The following CNDP1 variants were observed in gnomAD, a reference collection of about 807,000 sequenced individuals.
CNDP1 encodes carnosine dipeptidase 1.
In CNDP1, 44 loss-of-function variants were observed where a neutral mutation model predicts 58.1. The observed-to-expected ratio is 0.76, with a 90% CI of 0.60 to 0.97. CNDP1 has a LOEUF of 0.97. Among genes scored for constraint, CNDP1 ranks in the 50% least tolerant of loss-of-function variants. CNDP1 has a pLI of 0.00. For synonymous variants in CNDP1, 254 were observed against 252.6 expected, an observed-to-expected ratio of 1.01 and a Z score of -0.05; for missense variants, 616 against 655.1, an observed-to-expected ratio of 0.94 and a Z score of 0.65.
chr18:74,540,959 T>G (rs1425692363), intron 1 of CNDP1, among the ~76,000 whole-genome samples: 2 of 152,194 alleles, frequency 1.3e-5, no homozygotes, highest in East Asian at 1.9e-4. Context: ...TCTAATGAAG[T>G]GATGCCGATT....
chr18:74,578,468 A>G (rs917202398), intron 9 of CNDP1, 141 bp downstream of exon 9: 11 of 844,508 alleles, frequency 1.3e-5, no homozygotes, highest in African/African-American at 3.4e-5. Flanking sequence ...ACAAATGTCA[A>G]GAAACCAATA....
rs1981711572 is a variant in CNDP1 at position 74,579,169 on chromosome 18, CCCTT to C, written c.1167+844_1167+847del. Among the ~76,000 whole-genome samples the C allele has an allele frequency of 2.0e-5, 3 of 146,496 alleles. No homozygotes were observed. The Admixed American group carries it at 2.1e-4, about 10-fold the overall frequency. ...CTCCTGCCCTCTCTCCTCCCTCTCTCCCTTCTCCCTTCTCCCTTTCCTTCCCTTC... is the reference window on the plus strand; with the variant it reads ...CTCCTGCCCTCTCTCCTCCCTCTCTCCTCCCTTCTCCCTTTCCTTCCCTTC... On this transcript the variant is annotated intron_variant, in intron 9 of 11. Coordinates refer to ENST00000358821, the MANE Select transcript of CNDP1 (RefSeq NM_032649.6).
intron 1 of CNDP1, among the ~76,000 whole-genome samples, chr18:74,546,852 C>A (rs1285944733): frequency 2.0e-5 from 3 of 152,240 alleles, no homozygotes; most frequent in African/African-American, 7.2e-5. Flanking sequence ...TGTGGCCTCA[C>A]ATTCTGGGAA....
At chr18:74,542,403 A>T (rs1342209737) in intron 1 of CNDP1, among the ~76,000 whole-genome samples, 1 of 152,124 alleles carries the variant, frequency 6.6e-6, no homozygotes, top group East Asian at 1.9e-4. Flanking sequence ...GCTCTCCTCC[A>T]GTTTGGGAAA....
chr18:74,547,807 T>C (rs533844791), intron 1 of CNDP1, among the ~76,000 whole-genome samples: 1 of 152,336 alleles, frequency 6.6e-6, no homozygotes, highest in African/African-American at 2.4e-5. Context: ...GGACAGGTTG[T>C]GATGGTAACA....
At chr18:74,551,921 CAAAAA>C (rs955659070) in intron 1 of CNDP1, among the ~76,000 whole-genome samples, 1 of 142,128 alleles carries the variant, frequency 7.0e-6, no homozygotes, top group African/African-American at 2.6e-5. Flanking sequence ...AAAAAAAAAA[CAAAAA>C]AAAAACCAGT....
At chr18:74,581,630 G>T (rs1871529769) in intron 10 of CNDP1, among the ~76,000 whole-genome samples, 2 of 152,202 alleles carry the variant, frequency 1.3e-5, no homozygotes, top group Non-Finnish European at 2.9e-5. Context: ...CTTTGGTGGT[G>T]CCTGTTTTAA....
At chr18:74,544,245 C>G (rs1443374663) in intron 1 of CNDP1, among the ~76,000 whole-genome samples, 4 of 152,100 alleles carry the variant, frequency 2.6e-5, no homozygotes, top group African/African-American at 9.7e-5. Flanking sequence ...GAGGGAGACT[C>G]TGTCTCAAAA....
chr18:74,544,473 T>C (rs1002320555), intron 1 of CNDP1, among the ~76,000 whole-genome samples: 4 of 151,968 alleles, frequency 2.6e-5, no homozygotes, highest in South Asian at 2.1e-4. Context: ...TCCCAGCACT[T>C]TGGGAGGCCG....
chr18:74,551,996 C>T (rs1980923894), intron 1 of CNDP1, among the ~76,000 whole-genome samples: 2 of 152,184 alleles, frequency 1.3e-5, no homozygotes, highest in Non-Finnish European at 2.9e-5. Flanking sequence ...GCTCCCTCTC[C>T]GGCTACTGGA....
chr18:74,536,095 G>T (rs7244370), intron 1 of CNDP1, among the ~76,000 whole-genome samples: 25,874 of 152,084 alleles, frequency 0.17, 2,653 homozygotes, highest in African/African-American at 0.3. Flanking sequence ...ATGAAAGAGA[G>T]GAAGAGATTG....
chr18:74,561,954 G>A, intron 4 of CNDP1, 93 bp from the exon 5 acceptor site: 1 of 999,906 alleles, frequency 1.0e-6, no homozygotes, highest in Non-Finnish European at 1.6e-6. Context: ...AGAAAGCACT[G>A]TTAACATCAG....
chr18:74,546,646 C>T (rs1440774330), intron 1 of CNDP1, among the ~76,000 whole-genome samples: 1 of 152,188 alleles, frequency 6.6e-6, no homozygotes. Flanking sequence ...TGCCTGAGCT[C>T]TAGGCCAGCT....
intron 1 of CNDP1, 86 bp from the exon 2 acceptor site, chr18:74,556,252 C>G: frequency 6.8e-7 from 1 of 1,477,514 alleles, no homozygotes; most frequent in Non-Finnish European, 9.2e-7. Flanking sequence ...TGTGAGGTAA[C>G]AGACCTTCTT....
intron 1 of CNDP1, among the ~76,000 whole-genome samples, chr18:74,551,140 A>G (rs1380308698): frequency 2.0e-5 from 3 of 151,990 alleles, no homozygotes; most frequent in African/African-American, 7.3e-5. Context: ...TGGCCACATG[A>G]CCTGCCTGTT....
chr18:74,550,358 G>A (rs1480236086), intron 1 of CNDP1, among the ~76,000 whole-genome samples: 1 of 152,166 alleles, frequency 6.6e-6, no homozygotes, highest in Non-Finnish European at 1.5e-5. Flanking sequence ...ACTTGCATGG[G>A]GACTGGAGCC....
At chr18:74,561,588 CA>C (rs1404168886) in intron 4 of CNDP1, 1 of 159,456 alleles carries the variant, frequency 6.3e-6, no homozygotes, top group Admixed American at 5.9e-5. Flanking sequence ...TCGTTTTGAA[CA>C]GTATCAAATG....
chr18:74,569,145 G>A (rs1046398317), intron 6 of CNDP1, among the ~76,000 whole-genome samples: 1 of 152,164 alleles, frequency 6.6e-6, no homozygotes, highest in Non-Finnish European at 1.5e-5. Context: ...GAGACAGCCA[G>A]CTCAAGCTTT....
At chr18:74,550,226 G>A (rs954226488) in intron 1 of CNDP1, among the ~76,000 whole-genome samples, 8 of 152,224 alleles carry the variant, frequency 5.3e-5, no homozygotes, top group African/African-American at 1.9e-4. Context: ...AGCCATAGCG[G>A]TGGAGCTTCC....
Sources: allele counts gnomAD v4.1 joint callset (sites outside exome capture counted in the v4.1 genomes callset), GRCh38; gene constraint gnomAD v4.1.1; transcripts MANE v1.5; gene names NCBI Gene and HGNC (gene_info 2026-07-23, HGNC 2026-07-21).